The following PRICKLE2 variants were observed in gnomAD, a reference collection of about 807,000 sequenced individuals.
The protein encoded by PRICKLE2 is prickle-like protein 2.
Under a neutral mutation model 81.4 loss-of-function variants are expected in PRICKLE2, and 21 were observed. The observed-to-expected ratio is 0.26, with a 90% confidence interval of 0.18 to 0.37. The LOEUF (loss-of-function observed/expected upper bound fraction) is 0.37, where lower values mean the gene tolerates loss of function less well. PRICKLE2 is among the 10% of genes least tolerant of loss of function. The pLI, the probability that PRICKLE2 is intolerant of heterozygous loss-of-function variation, is 1.00. For missense variants in PRICKLE2, 940 were observed against 1,109.0 expected (o/e 0.85, Z 2.16); for synonymous variants, 456 against 421.5 (o/e 1.08, Z -1.00).
chr3:64,226,308 C>T (rs1159135444), upstream of PRICKLE2, among the ~76,000 whole-genome samples: 1 of 152,172 alleles, frequency 6.6e-6, no homozygotes, highest in African/African-American at 2.4e-5. Context: ...CATTTTTATA[C>T]ACCACTAGGC....
At chr3:64,140,897 C>T (rs2077350953) in intron 7 of PRICKLE2, among the ~76,000 whole-genome samples, 1 of 152,148 alleles carries the variant, frequency 6.6e-6, no homozygotes, top group South Asian at 2.1e-4. Flanking sequence ...CAGCTAAAGC[C>T]GTTGTGCAAG....
intron 1 of PRICKLE2, chr3:64,200,865 T>A (rs1413673303): frequency 6.6e-6 from 1 of 152,198 alleles, no homozygotes; most frequent in Non-Finnish European, 1.5e-5. Flanking sequence ...TCCACCCGCG[T>A]CAGCCTCCCA....
chr3:64,146,665 C>T (rs1406040099), intron 7 of PRICKLE2, 165 bp downstream of exon 7: 2 of 710,774 alleles, frequency 2.8e-6, no homozygotes, highest in East Asian at 5.4e-5. Context: ...ATGGCGTGAA[C>T]CCGGGAGGTG....
At chr3:64,152,970 A>C (rs749250530) in intron 6 of PRICKLE2, among the ~76,000 whole-genome samples, 1 of 152,154 alleles carries the variant, frequency 6.6e-6, no homozygotes, top group Non-Finnish European at 1.5e-5. Flanking sequence ...CAGAGAAAAA[A>C]ATCGGTTTTG....
intron 2 of PRICKLE2, among the ~76,000 whole-genome samples, chr3:64,258,227 A>C (rs2079556797): frequency 6.6e-6 from 1 of 152,160 alleles, no homozygotes; most frequent in African/African-American, 2.4e-5. Context: ...AGTACTGTGG[A>C]TTTTGTCCCA....
At chr3:64,121,608 AT>A (rs939631365) in intron 7 of PRICKLE2, among the ~76,000 whole-genome samples, 108 of 151,806 alleles carry the variant, frequency 7.1e-4, no homozygotes, top group South Asian at 4.2e-4. Flanking sequence ...GTTAGTCACA[AT>A]TTTTTTTGTA....
intron 1 of PRICKLE2, among the ~76,000 whole-genome samples, chr3:64,205,617 G>A (rs1463793102): frequency 2.0e-5 from 3 of 152,110 alleles, no homozygotes; most frequent in Non-Finnish European, 1.5e-5. Flanking sequence ...GCAAAAAAGG[G>A]ATCTTCCTTT....
At chr3:64,124,553 G>A (rs2077078664) in intron 7 of PRICKLE2, among the ~76,000 whole-genome samples, 1 of 152,170 alleles carries the variant, frequency 6.6e-6, no homozygotes, top group Non-Finnish European at 1.5e-5. Context: ...TCAGTTAGGG[G>A]CTAATGCAGC....
chr3:64,244,603 G>GGTGTGTGTGTGTGTGTGTGTGTGT (rs71680837), intron 2 of PRICKLE2, among the ~76,000 whole-genome samples: 1 of 91,624 alleles, frequency 1.1e-5, no homozygotes, highest in African/African-American at 3.1e-5. Flanking sequence ...GTGAATGACT[G>GGTGTGTGTGTGTGTGTGTGTGTGT]GTGTGTGTGT....
At chr3:64,126,212 AAACAGTCTG>A (rs1559524671) in intron 7 of PRICKLE2, among the ~76,000 whole-genome samples, 4 of 152,206 alleles carry the variant, frequency 2.6e-5, no homozygotes, top group Non-Finnish European at 5.9e-5. Flanking sequence ...TCTGGGGCTG[AAACAGTCTG>A]GGACAAGAAT....
At chr3:64,260,902 TGTA>T (rs2079606632) in intron 2 of PRICKLE2, among the ~76,000 whole-genome samples, 1 of 152,190 alleles carries the variant, frequency 6.6e-6, no homozygotes, top group African/African-American at 2.4e-5. Context: ...TTGTGGGAGT[TGTA>T]GTAGATCTTA....
intron 1 of PRICKLE2, among the ~76,000 whole-genome samples, chr3:64,216,921 G>C (rs2078881171): frequency 6.6e-6 from 1 of 152,202 alleles, no homozygotes; most frequent in South Asian, 2.1e-4. Flanking sequence ...CAAGCTTCTA[G>C]TCTTGACAGG....
intron 2 of PRICKLE2, 142 bp downstream of exon 2, chr3:64,198,642 C>T: frequency 2.3e-6 from 2 of 877,738 alleles, no homozygotes; most frequent in Non-Finnish European, 3.8e-6. Context: ...CCACTGGGGC[C>T]CCTGGCATCT....
intron 1 of PRICKLE2, among the ~76,000 whole-genome samples, chr3:64,212,195 T>G (rs2078799785): frequency 6.6e-6 from 1 of 152,204 alleles, no homozygotes; most frequent in Non-Finnish European, 1.5e-5. Flanking sequence ...AAGCTCCGAT[T>G]TCCTCAGCTG....
chr3:64,213,918 C>T (rs2078831875), intron 1 of PRICKLE2, among the ~76,000 whole-genome samples: 4 of 152,162 alleles, frequency 2.6e-5, no homozygotes, highest in Admixed American at 2.6e-4. Context: ...ACTGGCTGCA[C>T]TGGTCCCTTA....
At chr3:64,117,920 G>T (rs187180127) in intron 7 of PRICKLE2, among the ~76,000 whole-genome samples, 2 of 152,190 alleles carry the variant, frequency 1.3e-5, no homozygotes, top group African/African-American at 4.8e-5. Flanking sequence ...AAAGAACAAA[G>T]CAGAAGGCAT....
intron 2 of PRICKLE2, 50 bp downstream of exon 2, chr3:64,198,734 G>C (rs1205907490): frequency 6.3e-7 from 1 of 1,581,564 alleles, no homozygotes; most frequent in African/African-American, 1.3e-5. Flanking sequence ...GGACCAGTAA[G>C]GCAAAGTGAA....
upstream of PRICKLE2, among the ~76,000 whole-genome samples, chr3:64,227,145 C>T (rs887975493): frequency 6.6e-6 from 1 of 152,170 alleles, no homozygotes; most frequent in Non-Finnish European, 1.5e-5. Flanking sequence ...CCCAGAAGAC[C>T]TTTCATGGTG....
At chr3:64,207,658 C>A (rs1213520893) in intron 1 of PRICKLE2, among the ~76,000 whole-genome samples, 1 of 152,126 alleles carries the variant, frequency 6.6e-6, no homozygotes, top group Non-Finnish European at 1.5e-5. Flanking sequence ...GTAAAAGATA[C>A]CTCCAACGTG....
Sources: allele counts gnomAD v4.1 joint callset (sites outside exome capture counted in the v4.1 genomes callset), GRCh38; gene constraint gnomAD v4.1.1; transcripts MANE v1.5; gene names NCBI Gene and HGNC (gene_info 2026-07-23, HGNC 2026-07-21).